Variants in NKAIN3 observed in about 807,000 individuals in gnomAD.
The protein encoded by NKAIN3 is sodium/potassium-transporting ATPase subunit beta-1-interacting protein 3.
Under a neutral mutation model 30.2 loss-of-function variants are expected in NKAIN3, and 25 were observed. That is an observed-to-expected ratio of 0.83 (90% CI 0.60 to 1.16). The LOEUF is 1.16. NKAIN3 is among the 50% of genes most tolerant of loss of function. The probability of loss-of-function intolerance (pLI) is 0.00; values close to 1 mark genes in which losing one functional copy is unlikely to be tolerated. For synonymous variants in NKAIN3, 91 were observed against 89.6 expected, an observed-to-expected ratio of 1.02 and a Z score of -0.09; for missense variants, 225 against 254.1, an observed-to-expected ratio of 0.89 and a Z score of 0.78.
chr8:62,305,891 T>C (rs1231862052), intron 1 of NKAIN3, among the ~76,000 whole-genome samples: 1 of 150,492 alleles, frequency 6.6e-6, no homozygotes, highest in East Asian at 1.9e-4. Flanking sequence ...CTTCTGCTGT[T>C]CAATGTTCCA....
At chr8:62,901,840 G>A (rs777634205) in intron 4 of NKAIN3, among the ~76,000 whole-genome samples, 4 of 152,130 alleles carry the variant, frequency 2.6e-5, no homozygotes, top group East Asian at 1.9e-4. Context: ...TATCTGCATC[G>A]AGGGGCTGAA....
chr8:62,964,540 G>C (rs1186890494), intron 6 of NKAIN3, among the ~76,000 whole-genome samples: 1 of 53,424 alleles, frequency 1.9e-5, no homozygotes, highest in Non-Finnish European at 4.3e-5. Flanking sequence ...GAGAGAGAGT[G>C]TGTGTGTGTG....
intron 1 of NKAIN3, among the ~76,000 whole-genome samples, chr8:62,353,092 G>A (rs1349486341): frequency 1.3e-5 from 2 of 152,166 alleles, no homozygotes; most frequent in Admixed American, 1.3e-4. Flanking sequence ...GCCTCAGTGT[G>A]CCACCCAGTG....
At chr8:62,810,814 C>A (rs1212890404) in intron 4 of NKAIN3, among the ~76,000 whole-genome samples, 1 of 151,872 alleles carries the variant, frequency 6.6e-6, no homozygotes, top group Non-Finnish European at 1.5e-5. Context: ...TAATTTCTTC[C>A]TAATCTTTAA....
chr8:62,653,066 G>T (rs926126332), intron 3 of NKAIN3, among the ~76,000 whole-genome samples: 1 of 152,158 alleles, frequency 6.6e-6, no homozygotes, highest in African/African-American at 2.4e-5. Flanking sequence ...GGTTTATTCA[G>T]AGTTACTGTG....
intron 4 of NKAIN3, among the ~76,000 whole-genome samples, chr8:62,784,786 G>A (rs1817463413): frequency 6.6e-6 from 1 of 151,922 alleles, no homozygotes; most frequent in Non-Finnish European, 1.5e-5. Context: ...AGACACCAAG[G>A]CCACAAAAAG....
intron 3 of NKAIN3, among the ~76,000 whole-genome samples, chr8:62,647,685 G>A (rs930429812): frequency 6.6e-6 from 1 of 152,148 alleles, no homozygotes; most frequent in Non-Finnish European, 1.5e-5. Context: ...AAAGAACATG[G>A]ATCCAAGAGA....
intron 1 of NKAIN3, among the ~76,000 whole-genome samples, chr8:62,302,844 A>T (rs1294570890): frequency 2.8e-5 from 4 of 142,088 alleles, no homozygotes; most frequent in Non-Finnish European, 5.9e-5. Flanking sequence ...TTGTTAAAAG[A>T]TTCACAGTTT....
At chr8:62,323,769 C>G (rs1052767627) in intron 1 of NKAIN3, among the ~76,000 whole-genome samples, 1 of 151,968 alleles carries the variant, frequency 6.6e-6, no homozygotes, top group African/African-American at 2.4e-5. Flanking sequence ...ATATTATTGA[C>G]CAATACAAAG....
chr8:62,803,198 A>C (rs1818135268), intron 4 of NKAIN3, among the ~76,000 whole-genome samples: 1 of 152,174 alleles, frequency 6.6e-6, no homozygotes. Flanking sequence ...AACATTAGAC[A>C]GATCAATGAG....
intron 1 of NKAIN3, among the ~76,000 whole-genome samples, chr8:62,433,476 C>T (rs1805078350): frequency 6.6e-6 from 1 of 151,930 alleles, no homozygotes; most frequent in South Asian, 2.1e-4. Flanking sequence ...ATTATTATGC[C>T]AGATATGGGA....
At chr8:62,883,457 G>GTTTTTTTTTT (rs71559381) in intron 4 of NKAIN3, among the ~76,000 whole-genome samples, 19 of 70,216 alleles carry the variant, frequency 2.7e-4, no homozygotes, top group Admixed American at 3.7e-4. Context: ...AGTTTTATGG[G>GTTTTTTTTTT]TTTTTTTTTT....
chr8:62,815,627 T>A (rs968907979), intron 4 of NKAIN3, among the ~76,000 whole-genome samples: 2 of 152,172 alleles, frequency 1.3e-5, no homozygotes, highest in African/African-American at 4.8e-5. Flanking sequence ...AACCACATGA[T>A]TATCTCAATA....
rs938314306 is a variant in NKAIN3 at position 62,865,255 on chromosome 8, G to GA, written c.472-53192dup. Among the ~76,000 whole-genome samples, 11 of 152,238 alleles carry GA rather than the reference G, an allele frequency of 7.2e-5. No homozygotes were observed. The South Asian group carries it at 1.2e-3, about 17-fold the overall frequency. The stretch of plus-strand genomic sequence containing the variant: ...GATCCCGATGTTAGAAATGGTTCCA[G>GA]AAAAAACGATCCTCAGCTGGCGAAT... On this transcript the variant is annotated intron_variant, in intron 4 of 6. Transcript: ENST00000623646.
intron 1 of NKAIN3, among the ~76,000 whole-genome samples, chr8:62,254,094 T>C (rs1190641981): frequency 4.6e-5 from 7 of 151,966 alleles, no homozygotes; most frequent in Admixed American, 2.0e-4. Context: ...CCATTCTGCG[T>C]TGGCAAATAC....
intron 3 of NKAIN3, among the ~76,000 whole-genome samples, chr8:62,611,067 A>G (rs1023308037): frequency 5.3e-5 from 8 of 152,184 alleles, no homozygotes; most frequent in Non-Finnish European, 1.0e-4. Context: ...ACTATCAGCC[A>G]GACAGTCTTT....
In NKAIN3 at chr8:62,692,013, T is replaced by C. The variant is rs571959624; in HGVS notation, c.274-54919T>C. On this transcript the variant is annotated intron_variant, in intron 3 of 6. Transcript: ENST00000623646. The stretch of plus-strand genomic sequence containing the variant: ...TATGTATTTGGAGATAGCACTGCTG[T>C]TAGCTGGCCTATAATGATCTTGGCT... 3.9e-4 allele frequency among the ~76,000 whole-genome samples: 60 copies of C among 152,318 alleles called. 2 individuals are homozygous for C. The highest frequency in any genetic ancestry group is 3.4e-3 in the Middle Eastern group (1 of 294).
chr8:62,605,548 A>G (rs1811099193), intron 3 of NKAIN3, among the ~76,000 whole-genome samples: 1 of 152,012 alleles, frequency 6.6e-6, no homozygotes, highest in African/African-American at 2.4e-5. Context: ...CTCTGAATCT[A>G]CAGGTTCCAC....
At chr8:62,399,851 GAAGT>G (rs1817880113) in intron 1 of NKAIN3, among the ~76,000 whole-genome samples, 1 of 152,174 alleles carries the variant, frequency 6.6e-6, no homozygotes, top group Non-Finnish European at 1.5e-5. Flanking sequence ...TAACATGCTT[GAAGT>G]AAGGAGGAAA....
Sources: allele counts gnomAD v4.1 joint callset (sites outside exome capture counted in the v4.1 genomes callset), GRCh38; gene constraint gnomAD v4.1.1; transcripts MANE v1.5; gene names NCBI Gene and HGNC (gene_info 2026-07-23, HGNC 2026-07-21).